IGIP: variants seen among roughly 807,000 people sequenced by gnomAD.
IGIP encodes IgA-inducing protein homolog.
Under a neutral mutation model 3.2 loss-of-function variants are expected in IGIP, and 1 was observed. That is an observed-to-expected ratio of 0.32 (90% CI 0.11 to 1.50). IGIP has a LOEUF of 1.50. Among genes scored for constraint, IGIP ranks in the 40% most tolerant of loss-of-function variants. The probability of loss-of-function intolerance (pLI) is 0.39; values close to 1 mark genes in which losing one functional copy is unlikely to be tolerated. For synonymous variants in IGIP, 20 were observed against 22.7 expected, an observed-to-expected ratio of 0.88 and a Z score of 0.34; for missense variants, 64 against 69.0, an observed-to-expected ratio of 0.93 and a Z score of 0.26.
In IGIP at chr5:140,126,407, T is replaced by C. The variant is rs1323338544; in HGVS notation, c.-2070T>C. ...GAAGTTTGCTGAAAACTTTTGTCGT[T>C]TGAATTTTCTCTGTCAGTGTATTTA... On this transcript the variant is annotated 5_prime_UTR_variant, in exon 1 of 1. Coordinates refer to ENST00000333305, the MANE Select transcript of IGIP (RefSeq NM_001007189.2). 1 of 167,122 alleles carries C rather than the reference T, an allele frequency of 6.0e-6. No individual in the cohort carries two copies. Among genetic ancestry groups the C allele is most frequent in the African/African-American group, 2.4e-5 (1 of 41,460 alleles). The allele number at this position is 167,122 out of a possible 1,614,324, so 10.4% of individuals were successfully genotyped here.
chr5:140,128,327 A>G lies in IGIP; in HGVS notation c.-150A>G. 3 of 560,508 alleles carry G rather than the reference A, an allele frequency of 5.4e-6. No homozygotes were observed. The highest frequency in any genetic ancestry group is 9.4e-6 in the Non-Finnish European group (3 of 319,478). The allele number at this position is 560,508 out of a possible 1,614,324, so 34.7% of individuals were successfully genotyped here. The stretch of plus-strand genomic sequence containing the variant: ...GTTGTTGATATTCTTTGAGTTTACA[A>G]GTTAATCCTTATTGGAGATGTGCCA... On this transcript the variant is annotated 5_prime_UTR_variant, in exon 1 of 1. Transcript: ENST00000333305.
Position 140,126,990 on chromosome 5 carries a change from G to A in IGIP, c.-1487G>A, listed in dbSNP as rs753599699. ...GAGGCCCAGAGCACACATCCTAATCGCTAGCGGTACTCAGAGAGGGGGTGC... is the reference window on the plus strand; with the variant it reads ...GAGGCCCAGAGCACACATCCTAATCACTAGCGGTACTCAGAGAGGGGGTGC... On this transcript the variant is annotated 5_prime_UTR_variant, in exon 1 of 1. Transcript: ENST00000333305. The A allele has an allele frequency of 6.0e-6, 1 of 166,996 alleles. No individual in the cohort carries two copies. The highest frequency in any genetic ancestry group is 2.1e-4 in the South Asian group (1 of 4,826). 10.3% of individuals were successfully genotyped at this position (166,996 alleles called of 1,614,324 possible). A position where few individuals can be genotyped will look rare whatever the true frequency, so the allele number is the denominator to read the frequency against.
chr5:140,127,221 G>A lies in IGIP; in HGVS notation c.-1256G>A, dbSNP rs1249494488. 1.2e-5 allele frequency: 2 copies of A among 167,210 alleles called. No individual in the cohort carries two copies. The highest frequency in any genetic ancestry group is 6.5e-5 in the Admixed American group (1 of 15,286). The allele number at this position is 167,210 out of a possible 1,614,324, so 10.4% of individuals were successfully genotyped here. The stretch of plus-strand genomic sequence containing the variant: ...TCATGTGTTATCCTAAGGCACAAGA[G>A]TTGAGGAATGGGTGAGCTTGGTGTC... On this transcript the variant is annotated 5_prime_UTR_variant, in exon 1 of 1. Coordinates refer to ENST00000333305, the MANE Select transcript of IGIP (RefSeq NM_001007189.2).
At position 140,128,434 on chromosome 5, in the gene IGIP, C is replaced by A; in HGVS notation, c.-43C>A. The A allele has an allele frequency of 2.7e-6, 4 of 1,506,040 alleles. No individual in the cohort carries two copies. The highest frequency in any genetic ancestry group is 3.6e-6 in the Non-Finnish European group (4 of 1,118,430). 93.3% of individuals were successfully genotyped at this position (1,506,040 alleles called of 1,614,324 possible). A position where few individuals can be genotyped will look rare whatever the true frequency, so the allele number is the denominator to read the frequency against. On this transcript the variant is annotated 5_prime_UTR_variant, in exon 1 of 1. Transcript: ENST00000333305. ...TGAATTTTGCCAACTAAGAAGTAAG[C>A]AAATGCAATTTAAAAAGTAAATTTG...
chr5:140,128,492 C>A lies in IGIP; in HGVS notation c.16C>A (p.His6Asn). 6.3e-7 allele frequency: 1 copy of A among 1,591,054 alleles called. No homozygotes were observed. Among genetic ancestry groups the A allele is most frequent in the Non-Finnish European group, 8.5e-7 (1 of 1,171,608 alleles). The change falls in exon 1 of 1, where the codon CAC becomes AAC. Residue 6 changes from histidine (H) to asparagine (N), a missense_variant. Coordinates refer to ENST00000333305, the MANE Select transcript of IGIP (RefSeq NM_001007189.2). ...TGTATTAAATATGTGCAGTTATTATCACATGAAGAAACGCAGTGTGTCGGG... is the reference window on the plus strand; with the variant it reads ...TGTATTAAATATGTGCAGTTATTATAACATGAAGAAACGCAGTGTGTCGGG... The part of the protein sequence containing the change: MCSYY[H>N]MKKRSVSGCN...
chr5:140,126,428 A>G lies in IGIP; in HGVS notation c.-2049A>G, dbSNP rs979842592. The G allele has an allele frequency of 1.2e-5, 2 of 167,090 alleles. No individual in the cohort carries two copies. The highest frequency in any genetic ancestry group is 2.9e-5 in the Non-Finnish European group (2 of 68,096). The allele number at this position is 167,090 out of a possible 1,614,324, so 10.4% of individuals were successfully genotyped here. ...TCGTTTGAATTTTCTCTGTCAGTGT[A>G]TTTAGCCCAAATACAACAGCTTTGG... On this transcript the variant is annotated 5_prime_UTR_variant, in exon 1 of 1. Coordinates refer to ENST00000333305, the MANE Select transcript of IGIP (RefSeq NM_001007189.2).
In IGIP at chr5:140,128,550, C is replaced by T. The variant is rs771084947; in HGVS notation, c.74C>T (p.Ser25Phe). ...ATTACCATATTTGCTGTCATGTTCT[C>T]CCATCTCAGTGCTGGGAAATCACCA... Reference protein sequence around the residue: ...CNITIFAVMFSHLSAGKSPCG... With the variant: ...CNITIFAVMFFHLSAGKSPCG... Residue 25 changes from serine (S) to phenylalanine (F), a missense_variant, in exon 1 of 1, where the codon TCC becomes TTC. Coordinates refer to ENST00000333305, the MANE Select transcript of IGIP (RefSeq NM_001007189.2). 6.2e-7 allele frequency: 1 copy of T among 1,610,352 alleles called. No individual in the cohort carries two copies. Among genetic ancestry groups the T allele is most frequent in the Non-Finnish European group, 8.5e-7 (1 of 1,178,838 alleles).
Position 140,128,663 on chromosome 5 carries a change from C to T in IGIP, c.*25C>T, listed in dbSNP as rs1763240479. The stretch of plus-strand genomic sequence containing the variant: ...AAAACTAGCGAGGTCTGCTGTACTG[C>T]TTATTGAAGTATTGTGATTATTTTA... On this transcript the variant is annotated 3_prime_UTR_variant, in exon 1 of 1. Transcript: ENST00000333305. 3 of 1,578,592 alleles carry T rather than the reference C, an allele frequency of 1.9e-6. No individual in the cohort carries two copies. Among genetic ancestry groups the T allele is most frequent in the Non-Finnish European group, 2.6e-6 (3 of 1,161,134 alleles).
rs1763234940 is a variant in IGIP at position 140,128,288 on chromosome 5, A to C, written c.-189A>C. 1 of 497,638 alleles carries C rather than the reference A, an allele frequency of 2.0e-6. No homozygotes were observed. Among genetic ancestry groups the C allele is most frequent in the Admixed American group, 4.4e-5 (1 of 22,842 alleles). The allele number at this position is 497,638 out of a possible 1,614,324, so 30.8% of individuals were successfully genotyped here. ...AAATGGACCAGATGTATATTAGTTA[A>C]AATTTAGGACTAAGTTGTTGATATT... is the stretch of plus-strand genomic sequence containing the variant. On this transcript the variant is annotated 5_prime_UTR_variant, in exon 1 of 1. The change abolishes the stop of an existing upstream ORF in the 5' untranslated region. Transcript: ENST00000333305.
chr5:140,128,687 T>G lies in IGIP; in HGVS notation c.*49T>G, dbSNP rs1763240711. On this transcript the variant is annotated 3_prime_UTR_variant, in exon 1 of 1. Transcript: ENST00000333305. ...GCTTATTGAAGTATTGTGATTATTT[T>G]AGGCATTGATTCTTACAAAATATAT... 1.4e-6 allele frequency: 2 copies of G among 1,466,292 alleles called. No individual in the cohort carries two copies. Among genetic ancestry groups the G allele is most frequent in the Non-Finnish European group, 1.9e-6 (2 of 1,067,796 alleles). The allele number at this position is 1,466,292 out of a possible 1,614,324, so 90.8% of individuals were successfully genotyped here. A position where few individuals can be genotyped will look rare whatever the true frequency, so the allele number is the denominator to read the frequency against.
Position 140,128,853 on chromosome 5 carries a change from G to C in IGIP, c.*215G>C. On this transcript the variant is annotated 3_prime_UTR_variant, in exon 1 of 1. Coordinates refer to ENST00000333305, the MANE Select transcript of IGIP (RefSeq NM_001007189.2). ...GTTTCAGTGCTTTTTGGGGGAAGGG[G>C]TCTGGTTGCGATCTTGGATTTTTTT... is the stretch of plus-strand genomic sequence containing the variant. The C allele has an allele frequency of 8.1e-6, 4 of 495,804 alleles. No individual in the cohort carries two copies. In the South Asian group the frequency reaches 1.2e-4, roughly 15 times the overall value. The allele number at this position is 495,804 out of a possible 1,614,324, so 30.7% of individuals were successfully genotyped here. A position where few individuals can be genotyped will look rare whatever the true frequency, so the allele number is the denominator to read the frequency against.
chr5:140,129,098 A>C lies in IGIP; in HGVS notation c.*460A>C, dbSNP rs1264079483. On this transcript the variant is annotated 3_prime_UTR_variant, in exon 1 of 1. Coordinates refer to ENST00000333305, the MANE Select transcript of IGIP (RefSeq NM_001007189.2). The stretch of plus-strand genomic sequence containing the variant: ...TCTCTGGTGGTATGACAGTGAACCT[A>C]GCCATCATGTTGAAGAGAAGGGAAA... 6.6e-6 allele frequency: 1 copy of C among 152,642 alleles called. No individual in the cohort carries two copies. The highest frequency in any genetic ancestry group is 1.5e-5 in the Non-Finnish European group (1 of 68,394). 9.5% of individuals were successfully genotyped at this position (152,642 alleles called of 1,614,324 possible).
In IGIP at chr5:140,126,474, C is replaced by A. The variant is rs1763215117; in HGVS notation, c.-2003C>A. ...TTTGGGTTAGCACACACATAAGAAT[C>A]AAAAAAACAAAGCTCACTAAATAAA... On this transcript the variant is annotated 5_prime_UTR_variant, in exon 1 of 1. Transcript: ENST00000333305. The A allele has an allele frequency of 1.2e-5, 2 of 166,856 alleles. No individual in the cohort carries two copies. The highest frequency in any genetic ancestry group is 2.9e-5 in the Non-Finnish European group (2 of 68,056). The allele number at this position is 166,856 out of a possible 1,614,324, so 10.3% of individuals were successfully genotyped here.
Position 140,128,938 on chromosome 5 carries a change from T to C in IGIP, c.*300T>C. On this transcript the variant is annotated 3_prime_UTR_variant, in exon 1 of 1. Coordinates refer to ENST00000333305, the MANE Select transcript of IGIP (RefSeq NM_001007189.2). ...TAGCAGGTATACTTATGCTTATGAA[T>C]TGGCTGCAAGCATTAAGTGTGCTCT... 1 of 268,960 alleles carries C rather than the reference T, an allele frequency of 3.7e-6. No homozygotes were observed. Among genetic ancestry groups the C allele is most frequent in the Non-Finnish European group, 7.0e-6 (1 of 142,566 alleles). 16.7% of individuals were successfully genotyped at this position (268,960 alleles called of 1,614,324 possible).
At position 140,126,087 on chromosome 5, in the gene IGIP, G is replaced by A. The variant is rs1763210037; in HGVS notation, c.-2390G>A. 6.0e-6 allele frequency: 1 copy of A among 167,036 alleles called. No homozygotes were observed. Among genetic ancestry groups the A allele is most frequent in the Non-Finnish European group, 1.5e-5 (1 of 68,110 alleles). 10.3% of individuals were successfully genotyped at this position (167,036 alleles called of 1,614,324 possible). On this transcript the variant is annotated 5_prime_UTR_variant, in exon 1 of 1. In the 5' UTR this introduces an upstream ATG that the reference lacks. Transcript: ENST00000333305. ...TGCATGCCTTTGGGCTTATTCAAAA[G>A]TGTACAATAGGAAAGTATATTTCCT...
In IGIP at chr5:140,126,943, C is replaced by G. The variant is rs1164402299; in HGVS notation, c.-1534C>G. On this transcript the variant is annotated 5_prime_UTR_variant, in exon 1 of 1. Transcript: ENST00000333305. ...CTAATGTCCCATACTGTGTTACTTA[C>G]TGTAGATGCTCTCTTTTAGAGGAGG... The G allele has an allele frequency of 6.0e-6, 1 of 167,078 alleles. No individual in the cohort carries two copies. Among genetic ancestry groups the G allele is most frequent in the Non-Finnish European group, 1.5e-5 (1 of 68,126 alleles). 10.3% of individuals were successfully genotyped at this position (167,078 alleles called of 1,614,324 possible). A position where few individuals can be genotyped will look rare whatever the true frequency, so the allele number is the denominator to read the frequency against.
chr5:140,129,208 A>T lies in IGIP; in HGVS notation c.*570A>T, dbSNP rs1015601079. 1 of 152,326 alleles carries T rather than the reference A, an allele frequency of 6.6e-6. No individual in the cohort carries two copies. Among genetic ancestry groups the T allele is most frequent in the Non-Finnish European group, 1.5e-5 (1 of 68,166 alleles). The allele number at this position is 152,326 out of a possible 1,614,324, so 9.4% of individuals were successfully genotyped here. A position where few individuals can be genotyped will look rare whatever the true frequency, so the allele number is the denominator to read the frequency against. Reference sequence around the variant, plus strand: ...AATAAAAAAAATGTAATTATCATGGATACATACTAGTTATACATACTTATG... The same window carrying T: ...AATAAAAAAAATGTAATTATCATGGTTACATACTAGTTATACATACTTATG... On this transcript the variant is annotated 3_prime_UTR_variant, in exon 1 of 1. Coordinates refer to ENST00000333305, the MANE Select transcript of IGIP (RefSeq NM_001007189.2).
At position 140,126,444 on chromosome 5, in the gene IGIP, A is replaced by G. The variant is rs1176620130; in HGVS notation, c.-2033A>G. 6.0e-6 allele frequency: 1 copy of G among 167,078 alleles called. No individual in the cohort carries two copies. Among genetic ancestry groups the G allele is most frequent in the African/African-American group, 2.4e-5 (1 of 41,458 alleles). The allele number at this position is 167,078 out of a possible 1,614,324, so 10.3% of individuals were successfully genotyped here. A position where few individuals can be genotyped will look rare whatever the true frequency, so the allele number is the denominator to read the frequency against. On this transcript the variant is annotated 5_prime_UTR_variant, in exon 1 of 1. Coordinates refer to ENST00000333305, the MANE Select transcript of IGIP (RefSeq NM_001007189.2). ...TGTCAGTGTATTTAGCCCAAATACA[A>G]CAGCTTTGGGTTAGCACACACATAA... is the stretch of plus-strand genomic sequence containing the variant.
At position 140,128,575 on chromosome 5, in the gene IGIP, A is replaced by G; in HGVS notation, c.99A>G (p.Pro33=). 1 of 1,611,930 alleles carries G rather than the reference A, an allele frequency of 6.2e-7. No homozygotes were observed. The highest frequency in any genetic ancestry group is 1.1e-5 in the South Asian group (1 of 90,422). ...MFSHLSAGKS[P]CGNQANVLCI... ...CCCATCTCAGTGCTGGGAAATCACCATGTGGAAACCAAGCAAACGTGTTGT... is the reference window on the plus strand; with the variant it reads ...CCCATCTCAGTGCTGGGAAATCACCGTGTGGAAACCAAGCAAACGTGTTGT... Residue 33 remains proline (P), a synonymous_variant, in exon 1 of 1, where the codon CCA becomes CCG. Coordinates refer to ENST00000333305, the MANE Select transcript of IGIP (RefSeq NM_001007189.2).
Sources: gnomAD v4.1 joint callset for allele counts on GRCh38, gnomAD v4.1.1 for gene constraint, MANE v1.5 for transcripts, NCBI Gene and HGNC (gene_info 2026-07-23, HGNC 2026-07-21) for gene names.